The following DPY19L3 variants were observed in gnomAD, a reference collection of about 807,000 sequenced individuals.
The protein encoded by DPY19L3 is dpy-19 like C-mannosyltransferase 3.
DPY19L3 carries 51 observed loss-of-function variants against 92.3 expected under a neutral mutation model. The observed-to-expected ratio is 0.55, with a 90% CI of 0.44 to 0.70. The LOEUF is 0.70. Ranked by LOEUF, DPY19L3 falls within the 30% of genes least tolerant of loss-of-function variation. DPY19L3 has a pLI of 0.00. For synonymous variants in DPY19L3, 309 were observed against 315.2 expected, an observed-to-expected ratio of 0.98 and a Z score of 0.21; for missense variants, 706 against 855.9, an observed-to-expected ratio of 0.82 and a Z score of 2.18.
chr19:32,414,460 G>A (rs1599587594), intron 3 of DPY19L3, among the ~76,000 whole-genome samples: 2 of 151,142 alleles, frequency 1.3e-5, no homozygotes, highest in African/African-American at 2.4e-5. Flanking sequence ...CAGGCATGGT[G>A]GCACATGCCT....
chr19:32,483,477 T>G lies in DPY19L3; in HGVS notation c.*1237T>G, dbSNP rs1451059699. 1.3e-5 allele frequency: 2 copies of G among 152,636 alleles called. No individual in the cohort carries two copies. 9.5% of individuals were successfully genotyped at this position (152,636 alleles called of 1,614,324 possible). On this transcript the variant is annotated 3_prime_UTR_variant, in exon 19 of 19. Coordinates refer to ENST00000392250, the MANE Select transcript of DPY19L3 (RefSeq NM_001172774.2). ...ATGCATTTAATTAAATCAAGATGGC[T>G]AATGGAATTAACTTTCTCCCCTGTT...
rs1237541695 is a variant in DPY19L3 at position 32,484,444 on chromosome 19, C to CG, written c.*2206dup. 1 of 152,210 alleles carries CG rather than the reference C, an allele frequency of 6.6e-6. No homozygotes were observed. The highest frequency in any genetic ancestry group is 1.5e-5 in the Non-Finnish European group (1 of 68,050). 9.4% of individuals were successfully genotyped at this position (152,210 alleles called of 1,614,324 possible). On this transcript the variant is annotated 3_prime_UTR_variant, in exon 19 of 19. Transcript: ENST00000392250. ...CTACCAGGCCGAAGCAAGAGACCCG[C>CG]GGCAGCAGCTCCCCGCCACTCAGAC... is the stretch of plus-strand genomic sequence containing the variant.
At chr19:32,417,635 T>A (rs1398476422) in intron 3 of DPY19L3, among the ~76,000 whole-genome samples, 1 of 152,226 alleles carries the variant, frequency 6.6e-6, no homozygotes, top group African/African-American at 2.4e-5. Context: ...GATGGTTTTA[T>A]AGAGGGGAGT....
At chr19:32,411,518 T>C in intron 3 of DPY19L3, 146 bp downstream of exon 3, 1 of 624,220 alleles carries the variant, frequency 1.6e-6, no homozygotes, top group African/African-American at 1.9e-5. Context: ...ATAACTTTTG[T>C]GTTTATTATT....
At chr19:32,474,447 G>T (rs1343052851) in intron 16 of DPY19L3, among the ~76,000 whole-genome samples, 3 of 152,236 alleles carry the variant, frequency 2.0e-5, no homozygotes, top group Admixed American at 2.0e-4. Context: ...GCCTGCTGAG[G>T]AGAGAGCATC....
intron 12 of DPY19L3, among the ~76,000 whole-genome samples, chr19:32,459,959 A>C (rs193247038): frequency 3.3e-5 from 5 of 152,362 alleles, no homozygotes; most frequent in Admixed American, 2.0e-4. Context: ...AAACATAGAT[A>C]GTATGGCCTA....
Position 32,464,769 on chromosome 19 carries a change from G to A in DPY19L3, c.1599G>A (p.Leu533=), listed in dbSNP as rs1434574968. ...ATTCAGTACCGATATTAATACTGCT[G>A]TATCTATGCTATAAGGTAAGACTGA... ...MRYSVPILIL[L]YLCYKFWPGM... Residue 533 remains leucine (L), a synonymous_variant, in exon 15 of 19, where the codon CTG becomes CTA. Coordinates refer to ENST00000392250, the MANE Select transcript of DPY19L3 (RefSeq NM_001172774.2). The A allele has an allele frequency of 1.3e-6, 2 of 1,528,868 alleles. No individual in the cohort carries two copies. The highest frequency in any genetic ancestry group is 1.8e-6 in the Non-Finnish European group (2 of 1,123,832). The allele number at this position is 1,528,868 out of a possible 1,614,324, so 94.7% of individuals were successfully genotyped here.
chr19:32,410,284 A>G (rs1968132561), intron 2 of DPY19L3, among the ~76,000 whole-genome samples: 1 of 152,186 alleles, frequency 6.6e-6, no homozygotes, highest in Non-Finnish European at 1.5e-5. Flanking sequence ...TCATCTTGAC[A>G]GGACAATAAA....
Position 32,468,775 on chromosome 19 carries a change from C to A in DPY19L3, c.1659C>A (p.Phe553Leu). 6.2e-7 allele frequency: 1 copy of A among 1,613,690 alleles called. No homozygotes were observed. The highest frequency in any genetic ancestry group is 1.1e-5 in the South Asian group (1 of 91,056). ...ATGAACTCTCCGAGTTGAGAGAATT[C>A]TATGATCCAGATACAGTGGAGCTGA... is the stretch of plus-strand genomic sequence containing the variant. ...MMDELSELRE[F>L]YDPDTVELMN... is the part of the protein sequence containing the mutation. Residue 553 changes from phenylalanine to leucine, a missense_variant, in exon 16 of 19, where the codon TTC becomes TTA. Coordinates refer to ENST00000392250, the MANE Select transcript of DPY19L3 (RefSeq NM_001172774.2).
intron 6 of DPY19L3, 79 bp from the exon 7 acceptor site, chr19:32,439,032 TA>T (rs1969238603): frequency 6.7e-7 from 1 of 1,486,014 alleles, no homozygotes; most frequent in East Asian, 2.3e-5. Context: ...CTTAATGTAA[TA>T]TATCTTTCGT....
intron 16 of DPY19L3, among the ~76,000 whole-genome samples, chr19:32,473,601 TG>T (rs1970418026): frequency 1.3e-5 from 2 of 152,240 alleles, no homozygotes; most frequent in South Asian, 4.1e-4. Context: ...TGTGATTGTT[TG>T]TTTCTCATTT....
At chr19:32,434,591 G>A (rs1046404756) in intron 4 of DPY19L3, among the ~76,000 whole-genome samples, 2 of 152,166 alleles carry the variant, frequency 1.3e-5, no homozygotes, top group South Asian at 2.1e-4. Context: ...CCTGGGAGGT[G>A]GAGGTTGCGG....
intron 12 of DPY19L3, among the ~76,000 whole-genome samples, chr19:32,462,751 T>A (rs1209356883): frequency 1.3e-5 from 2 of 152,200 alleles, no homozygotes; most frequent in Non-Finnish European, 2.9e-5. Context: ...TCTTAGATCC[T>A]GATTCAGAGA....
intron 3 of DPY19L3, among the ~76,000 whole-genome samples, chr19:32,423,990 G>C (rs1568329312): frequency 6.6e-6 from 1 of 151,930 alleles, no homozygotes; most frequent in Admixed American, 6.6e-5. Context: ...TCCAGCCTGG[G>C]TGACAGAATG....
intron 15 of DPY19L3, among the ~76,000 whole-genome samples, chr19:32,465,210 CAT>C (rs1039881938): frequency 5.9e-5 from 9 of 152,318 alleles, no homozygotes; most frequent in Non-Finnish European, 1.2e-4. Context: ...GAATTAGACA[CAT>C]AAATAAACAC....
intron 3 of DPY19L3, among the ~76,000 whole-genome samples, chr19:32,417,301 C>T (rs1221010903): frequency 6.6e-6 from 1 of 152,136 alleles, no homozygotes; most frequent in Non-Finnish European, 1.5e-5. Flanking sequence ...GATAGTGTCA[C>T]GAGATCTGAT....
intron 3 of DPY19L3, among the ~76,000 whole-genome samples, chr19:32,421,646 AG>A (rs869057555): frequency 1.4e-4 from 4 of 28,354 alleles, no homozygotes; most frequent in South Asian, 2.2e-3. Flanking sequence ...AAAAAAAAAA[AG>A]AGAGAGGAGT....
intron 10 of DPY19L3, among the ~76,000 whole-genome samples, chr19:32,456,226 C>T (rs1969861765): frequency 6.6e-6 from 1 of 151,730 alleles, no homozygotes; most frequent in Admixed American, 6.6e-5. Context: ...TGTGTGTATA[C>T]CACCACACCG....
intron 3 of DPY19L3, among the ~76,000 whole-genome samples, chr19:32,429,414 G>A (rs1056549266): frequency 2.6e-5 from 4 of 152,202 alleles, no homozygotes; most frequent in Non-Finnish European, 4.4e-5. Context: ...TTAGCATGAA[G>A]CAGATGTAAA....
Sources: gnomAD v4.1 joint callset for allele counts (sites outside exome capture counted in the v4.1 genomes callset) on GRCh38, gnomAD v4.1.1 for gene constraint, MANE v1.5 for transcripts, NCBI Gene and HGNC (gene_info 2026-07-23, HGNC 2026-07-21) for gene names.